Variants in NFIB observed in about 807,000 individuals in gnomAD.
NFIB encodes the protein nuclear factor I B, also known as nuclear factor 1 B-type.
Under a neutral mutation model 61.5 loss-of-function variants are expected in NFIB, and 11 were observed. That is an observed-to-expected ratio of 0.18 (90% CI 0.11 to 0.30). NFIB has a LOEUF of 0.30. Among genes scored for constraint, NFIB ranks in the 10% least tolerant of loss-of-function variants. NFIB has a pLI of 1.00. For missense variants in NFIB, 471 were observed against 608.9 expected (o/e 0.77, Z 2.38); for synonymous variants, 260 against 216.5 (o/e 1.20, Z -1.76).
chr9:14,503,088 G>GTATATA, the NFIB span, among the ~76,000 whole-genome samples: 286 of 147,428 alleles, frequency 1.9e-3, 1 homozygote, highest in African/African-American at 6.6e-3. Context: ...GTATTTTATG[G>GTATATA]TATATATATA....
At chr9:14,398,393 C>T (rs753532413) in intron 1 of NFIB, 21 of 626,006 alleles carry the variant, frequency 3.4e-5, no homozygotes, top group Non-Finnish European at 5.4e-5. Context: ...CATTGGAAAA[C>T]CAGCCCTGCA....
At chr9:14,144,264 A>C (rs1173969706) in intron 6 of NFIB, among the ~76,000 whole-genome samples, 2 of 152,122 alleles carry the variant, frequency 1.3e-5, no homozygotes, top group African/African-American at 2.4e-5. Flanking sequence ...AATTCTTACA[A>C]AGTGACACTC....
intron 1 of NFIB, among the ~76,000 whole-genome samples, chr9:14,346,021 G>C (rs1367806864): frequency 6.6e-6 from 1 of 152,172 alleles, no homozygotes; most frequent in Non-Finnish European, 1.5e-5. Context: ...CCAGCCTAGC[G>C]GGTGGGAGGC....
At chr9:14,154,965 G>T (rs1030124681) in intron 4 of NFIB, among the ~76,000 whole-genome samples, 2 of 152,032 alleles carry the variant, frequency 1.3e-5, no homozygotes, top group African/African-American at 4.8e-5. Context: ...ACCCAAATGA[G>T]AAACACAACT....
At chr9:14,246,819 C>A (rs2054983667) in intron 2 of NFIB, among the ~76,000 whole-genome samples, 1 of 152,188 alleles carries the variant, frequency 6.6e-6, no homozygotes, top group South Asian at 2.1e-4. Flanking sequence ...CCTGAAAATG[C>A]ATATGCTGAA....
upstream of NFIB, among the ~76,000 whole-genome samples, chr9:14,315,041 G>C (rs1427742889): frequency 6.6e-6 from 1 of 152,070 alleles, no homozygotes; most frequent in Admixed American, 6.5e-5. Flanking sequence ...CGCACCCGGG[G>C]CGGGCTCAGT....
chr9:14,325,909 C>G (rs1328011886), intron 1 of NFIB, among the ~76,000 whole-genome samples: 1 of 151,952 alleles, frequency 6.6e-6, no homozygotes, highest in Admixed American at 6.6e-5. Flanking sequence ...AATTGGATAA[C>G]TATTTTTAGA....
chr9:14,251,945 A>G (rs1419330437), intron 2 of NFIB, among the ~76,000 whole-genome samples: 7 of 152,200 alleles, frequency 4.6e-5, no homozygotes, highest in African/African-American at 1.7e-4. Context: ...TGTGGGATTT[A>G]GTCACCGTTA....
At chr9:14,297,540 G>T (rs1205278600) in intron 2 of NFIB, among the ~76,000 whole-genome samples, 1 of 152,104 alleles carries the variant, frequency 6.6e-6, no homozygotes, top group African/African-American at 2.4e-5. Flanking sequence ...AAACCAGAAA[G>T]AAAAGAAAGC....
intron 2 of NFIB, among the ~76,000 whole-genome samples, chr9:14,303,370 C>A (rs1043054418): frequency 1.3e-5 from 2 of 152,148 alleles, no homozygotes; most frequent in East Asian, 3.9e-4. Flanking sequence ...CAAGGCTTGC[C>A]TGGTTTTTGT....
At chr9:14,117,519 T>C (rs2038318202) in intron 8 of NFIB, among the ~76,000 whole-genome samples, 2 of 152,166 alleles carry the variant, frequency 1.3e-5, no homozygotes, top group African/African-American at 2.4e-5. Flanking sequence ...AGAATATTTT[T>C]CTAAATATCT....
chr9:14,528,569 A>G, the NFIB span, among the ~76,000 whole-genome samples: 1 of 152,176 alleles, frequency 6.6e-6, no homozygotes, highest in African/African-American at 2.4e-5. Flanking sequence ...AATTTTACAG[A>G]TTAATATTCA....
At chr9:14,459,043 G>C in the NFIB span, among the ~76,000 whole-genome samples, 1 of 152,040 alleles carries the variant, frequency 6.6e-6, no homozygotes, top group Non-Finnish European at 1.5e-5. Flanking sequence ...AACCAAAAAA[G>C]AGCCCGCATT....
chr9:14,246,824 G>C (rs370926924), intron 2 of NFIB, among the ~76,000 whole-genome samples: 75 of 152,306 alleles, frequency 4.9e-4, no homozygotes, highest in African/African-American at 1.8e-3. Context: ...AAATGCATAT[G>C]CTGAAGACCC....
the NFIB span, among the ~76,000 whole-genome samples, chr9:14,491,168 T>C: frequency 6.6e-6 from 1 of 152,182 alleles, no homozygotes; most frequent in East Asian, 1.9e-4. Flanking sequence ...TCAACTATAG[T>C]TTTTATCTCT....
intron 1 of NFIB, among the ~76,000 whole-genome samples, chr9:14,376,301 T>TA (rs112859303): frequency 0.13 from 19,327 of 152,216 alleles, 2,285 homozygotes; most frequent in African/African-American, 0.31. Context: ...AATCATGTTT[T>TA]AAACATAATT....
At chr9:14,369,257 A>T (rs2061332725) in intron 1 of NFIB, among the ~76,000 whole-genome samples, 1 of 152,134 alleles carries the variant, frequency 6.6e-6, no homozygotes, top group African/African-American at 2.4e-5. Context: ...TGATTTCCCA[A>T]TCTTATTGTA....
At chr9:14,183,047 AT>A (rs2131472248) in intron 2 of NFIB, among the ~76,000 whole-genome samples, 1 of 152,298 alleles carries the variant, frequency 6.6e-6, no homozygotes, top group Admixed American at 6.5e-5. Flanking sequence ...AAAATTAATC[AT>A]TTTTAATGTG....
intron 1 of NFIB, among the ~76,000 whole-genome samples, chr9:14,383,657 T>G (rs1010132485): frequency 2.0e-5 from 3 of 152,236 alleles, no homozygotes; most frequent in African/African-American, 7.2e-5. Context: ...GACCAGAGTT[T>G]CTGCAAGCAT....
Sources: allele counts gnomAD v4.1 joint callset (sites outside exome capture counted in the v4.1 genomes callset), GRCh38; gene constraint gnomAD v4.1.1; transcripts MANE v1.5; gene names NCBI Gene and HGNC (gene_info 2026-07-23, HGNC 2026-07-21).